Variants in ZFAT observed in about 807,000 individuals in gnomAD.
ZFAT encodes zinc finger protein ZFAT.
Under a neutral mutation model 117.7 loss-of-function variants are expected in ZFAT, and 64 were observed. The ratio of observed to expected loss-of-function variants is 0.54; its 90% CI spans 0.44 to 0.67. The LOEUF (loss-of-function observed/expected upper bound fraction) is 0.67. Among genes scored for constraint, ZFAT ranks in the 30% least tolerant of loss-of-function variants. The pLI, the probability that ZFAT is intolerant of heterozygous loss-of-function variation, is 0.00. For missense variants in ZFAT, 1,433 were observed against 1,584.5 expected, an observed-to-expected ratio of 0.90 and a Z score of 1.62; for synonymous variants, 679 against 615.0, an observed-to-expected ratio of 1.10 and a Z score of -1.54.
At chr8:134,488,814 AC>A (rs1817835300) in intron 15 of ZFAT, among the ~76,000 whole-genome samples, 2 of 152,110 alleles carry the variant, frequency 1.3e-5, no homozygotes, top group African/African-American at 2.4e-5. Context: ...CTGGTCTGTA[AC>A]ACTGTGGGAT....
chr8:134,691,713 G>A (rs891912061), intron 1 of ZFAT, among the ~76,000 whole-genome samples: 4 of 152,140 alleles, frequency 2.6e-5, no homozygotes, highest in African/African-American at 9.7e-5. Flanking sequence ...ATATGACCAC[G>A]ATTTGTAATC....
At chr8:134,578,031 T>C (rs944811851) in intron 10 of ZFAT, among the ~76,000 whole-genome samples, 1 of 142,342 alleles carries the variant, frequency 7.0e-6, no homozygotes, top group Admixed American at 7.2e-5. Context: ...GAGGTATCCA[T>C]TCAGACAGGG....
At chr8:134,578,498 G>A in intron 10 of ZFAT, among the ~76,000 whole-genome samples, 1 of 151,878 alleles carries the variant, frequency 6.6e-6, no homozygotes, top group Non-Finnish European at 1.5e-5. Flanking sequence ...TCAGAGAGAT[G>A]GGGGGATCAA....
the ZFAT span, among the ~76,000 whole-genome samples, chr8:134,774,826 AAC>A: frequency 1.3e-5 from 2 of 152,090 alleles, no homozygotes; most frequent in Non-Finnish European, 2.9e-5. Context: ...CTTTCTTTAG[AAC>A]ACAGTCAGCC....
At chr8:134,609,155 T>TAC (rs111554503) in intron 4 of ZFAT, among the ~76,000 whole-genome samples, 12 of 151,454 alleles carry the variant, frequency 7.9e-5, no homozygotes, top group African/African-American at 1.5e-4. Context: ...AGTACACATA[T>TAC]ACACACACAC....
At chr8:134,769,937 A>T in the ZFAT span, among the ~76,000 whole-genome samples, 1 of 152,204 alleles carries the variant, frequency 6.6e-6, no homozygotes, top group Non-Finnish European at 1.5e-5. Context: ...GACCCCTTTC[A>T]GCCACGGTTG....
intron 3 of ZFAT, among the ~76,000 whole-genome samples, chr8:134,624,304 C>T (rs941810847): frequency 3.9e-5 from 6 of 152,086 alleles, no homozygotes; most frequent in Admixed American, 3.9e-4. Context: ...TTCCTTTTAC[C>T]TCAAAATCTT....
chr8:134,572,087 G>A (rs1051686546), intron 10 of ZFAT, among the ~76,000 whole-genome samples: 2 of 152,188 alleles, frequency 1.3e-5, no homozygotes, highest in African/African-American at 4.8e-5. Context: ...ATAAGGGAAT[G>A]GTTACACAAC....
chr8:134,728,490 T>G, the ZFAT span, among the ~76,000 whole-genome samples: 34 of 152,198 alleles, frequency 2.2e-4, no homozygotes, highest in African/African-American at 8.0e-4. Context: ...GCTAATCTTC[T>G]TAGCAATCTT....
At chr8:134,802,394 A>C in the ZFAT span, among the ~76,000 whole-genome samples, 9 of 152,222 alleles carry the variant, frequency 5.9e-5, no homozygotes, top group African/African-American at 2.2e-4. Flanking sequence ...GCTCGACGCA[A>C]TACCACATGC....
intron 9 of ZFAT, among the ~76,000 whole-genome samples, chr8:134,585,616 G>T (rs1826014706): frequency 6.6e-6 from 1 of 152,166 alleles, no homozygotes; most frequent in Admixed American, 6.5e-5. Flanking sequence ...CCACGGGCCG[G>T]CTGTGGAACC....
chr8:134,551,812 C>T (rs1188400648), intron 11 of ZFAT, among the ~76,000 whole-genome samples: 4 of 152,150 alleles, frequency 2.6e-5, no homozygotes, highest in Non-Finnish European at 2.9e-5. Flanking sequence ...TCAGATGCCT[C>T]GTGTATTTTG....
intron 15 of ZFAT, among the ~76,000 whole-genome samples, chr8:134,479,165 G>C (rs983114445): frequency 6.6e-6 from 1 of 152,176 alleles, no homozygotes; most frequent in Admixed American, 6.5e-5. Context: ...GTCTATCCTG[G>C]GCTCTCTGTG....
the ZFAT span, among the ~76,000 whole-genome samples, chr8:134,733,871 C>T: frequency 2.6e-5 from 4 of 152,320 alleles, no homozygotes; most frequent in Non-Finnish European, 4.4e-5. Context: ...CTTTGTCCTG[C>T]GGCCACCCCA....
At chr8:134,635,106 A>G (rs1195663651) in intron 3 of ZFAT, among the ~76,000 whole-genome samples, 1 of 152,212 alleles carries the variant, frequency 6.6e-6, no homozygotes, top group African/African-American at 2.4e-5. Context: ...CCTGCTGTGC[A>G]GCCTGGTTCC....
chr8:134,610,425 C>A, intron 4 of ZFAT, 45 bp downstream of exon 4: 1 of 1,571,384 alleles, frequency 6.4e-7, no homozygotes, highest in Non-Finnish European at 8.6e-7. Flanking sequence ...TTGGCACAGA[C>A]TTGCCAAGGG....
chr8:134,806,809 A>G, the ZFAT span, among the ~76,000 whole-genome samples: 5 of 152,242 alleles, frequency 3.3e-5, no homozygotes, highest in African/African-American at 1.2e-4. Flanking sequence ...AATATTAAGT[A>G]TATGTGATAA....
At chr8:134,512,643 G>T in intron 13 of ZFAT, 42 bp from the exon 14 acceptor site, 3 of 1,591,392 alleles carry the variant, frequency 1.9e-6, no homozygotes, top group South Asian at 2.3e-5. Context: ...CTAAAAGATT[G>T]ACTGTTGCCC....
At chr8:134,736,136 T>C in the ZFAT span, among the ~76,000 whole-genome samples, 6 of 152,072 alleles carry the variant, frequency 3.9e-5, no homozygotes, top group Non-Finnish European at 8.8e-5. Flanking sequence ...ACAGCGAGAT[T>C]CAGGGAGAGG....
Sources: allele counts gnomAD v4.1 joint callset (sites outside exome capture counted in the v4.1 genomes callset), GRCh38; gene constraint gnomAD v4.1.1; transcripts MANE v1.5; gene names NCBI Gene and HGNC (gene_info 2026-07-23, HGNC 2026-07-21).